The following BPTF variants were observed in gnomAD, a reference collection of about 807,000 sequenced individuals.
BPTF encodes the protein nucleosome-remodeling factor subunit BPTF.
Under a neutral mutation model 292.5 loss-of-function variants are expected in BPTF, and 18 were observed. The observed-to-expected ratio is 0.06, with a 90% CI of 0.04 to 0.09. The LOEUF (loss-of-function observed/expected upper bound fraction) is 0.09. Among genes scored for constraint, BPTF ranks in the 10% least tolerant of loss-of-function variants. The pLI is 1.00. For missense variants in BPTF, 2,726 were observed against 3,498.7 expected (o/e 0.78, Z 5.57); for synonymous variants, 1,225 against 1,251.9 (o/e 0.98, Z 0.45).
At chr17:67,933,950 A>C (rs1171428261) in intron 18 of BPTF, among the ~76,000 whole-genome samples, 1 of 152,038 alleles carries the variant, frequency 6.6e-6, no homozygotes, top group Non-Finnish European at 1.5e-5. Flanking sequence ...AGGCTGAGGC[A>C]AGAGAATTGC....
chr17:67,919,503 T>C (rs2063294918), intron 12 of BPTF, among the ~76,000 whole-genome samples: 1 of 152,140 alleles, frequency 6.6e-6, no homozygotes, highest in African/African-American at 2.4e-5. Flanking sequence ...TCCACTAATG[T>C]CTTCCAGTCT....
intron 18 of BPTF, among the ~76,000 whole-genome samples, 188 bp downstream of exon 18, chr17:67,932,207 G>A (rs1457731464): frequency 6.6e-6 from 1 of 152,180 alleles, no homozygotes; most frequent in Non-Finnish European, 1.5e-5. Context: ...CAGTAAAATA[G>A]GTTGAAGTAT....
At chr17:67,853,290 C>G (rs1416693805) in intron 1 of BPTF, among the ~76,000 whole-genome samples, 1 of 152,174 alleles carries the variant, frequency 6.6e-6, no homozygotes, top group African/African-American at 2.4e-5. Context: ...AGTCTGTTGT[C>G]TGTTTCCTAG....
intron 1 of BPTF, among the ~76,000 whole-genome samples, chr17:67,837,137 T>C (rs2057193290): frequency 6.6e-6 from 1 of 152,198 alleles, no homozygotes; most frequent in Admixed American, 6.5e-5. Context: ...TGCCCCCCTT[T>C]TTATTAATAC....
Position 67,945,977 on chromosome 17 carries a change from A to G in BPTF, c.7269A>G (p.Leu2423=), listed in dbSNP as rs1161998871. 1.2e-6 allele frequency: 2 copies of G among 1,614,090 alleles called. No individual in the cohort carries two copies. Among genetic ancestry groups the G allele is most frequent in the Non-Finnish European group, 1.7e-6 (2 of 1,180,044 alleles). ...TTTCATCCCCATCCCGTCCTCAGCTACAAATACAGCAGCCACAGCCCCAAG... is the reference window on the plus strand; with the variant it reads ...TTTCATCCCCATCCCGTCCTCAGCTGCAAATACAGCAGCCACAGCCCCAAG... ...VTVSSPSRPQ[L]QIQQPQPQVI... Residue 2423 remains leucine, a synonymous_variant, in exon 21 of 28, where the codon CTA becomes CTG. Transcript: ENST00000306378.
chr17:67,841,146 G>A (rs1404106180), intron 1 of BPTF, among the ~76,000 whole-genome samples: 2 of 152,064 alleles, frequency 1.3e-5, no homozygotes, highest in African/African-American at 4.8e-5. Flanking sequence ...GGTGGCTCAT[G>A]CCTGTAATCC....
chr17:67,883,888 C>T (rs967125881), intron 4 of BPTF, among the ~76,000 whole-genome samples: 7 of 152,140 alleles, frequency 4.6e-5, no homozygotes, highest in East Asian at 1.9e-4. Context: ...CGTGAACCAC[C>T]GCGCCCGGCT....
At chr17:67,953,838 C>G (rs1555679605) in intron 23 of BPTF, among the ~76,000 whole-genome samples, 1 of 152,080 alleles carries the variant, frequency 6.6e-6, no homozygotes, top group East Asian at 1.9e-4. Flanking sequence ...CCTCAGCCTC[C>G]CAAAGTGCTG....
chr17:67,933,172 C>A lies in BPTF; in HGVS notation c.6259+1153C>A, dbSNP rs148646895. 3.3e-5 allele frequency among the ~76,000 whole-genome samples: 5 copies of A among 151,524 alleles called. No homozygotes were observed. In the South Asian group the frequency reaches 8.3e-4, roughly 25 times the overall value. On this transcript the variant is annotated intron_variant, in intron 18 of 27. Coordinates refer to ENST00000306378, the MANE Select transcript of BPTF (RefSeq NM_182641.4). The stretch of plus-strand genomic sequence containing the variant: ...ACTCGGGAGGCTGAGGCAGGAGAGT[C>A]GCTTGAACCCAGGAGGCGGAGGTTG...
At chr17:67,942,625 T>C (rs940134625) in intron 19 of BPTF, among the ~76,000 whole-genome samples, 1 of 152,190 alleles carries the variant, frequency 6.6e-6, no homozygotes. Context: ...CTTCTAGGTA[T>C]ATCCCTAGAG....
chr17:67,947,821 C>G lies in BPTF; in HGVS notation c.7700+13C>G. On this transcript the variant is annotated intron_variant, in intron 22 of 27. Coordinates refer to ENST00000306378, the MANE Select transcript of BPTF (RefSeq NM_182641.4). ...AAGAGAATCAAAGGTAGGGGAGACGCAGGGTCTTGTTGTCTGTCCGTCTCT... is the reference window on the plus strand; with the variant it reads ...AAGAGAATCAAAGGTAGGGGAGACGGAGGGTCTTGTTGTCTGTCCGTCTCT... 2 of 1,550,796 alleles carry G rather than the reference C, an allele frequency of 1.3e-6. No individual in the cohort carries two copies. Among genetic ancestry groups the G allele is most frequent in the South Asian group, 1.2e-5 (1 of 83,984 alleles).
Position 67,922,861 on chromosome 17 carries a change from A to T in BPTF, c.5579A>T (p.Lys1860Ile), listed in dbSNP as rs1236113062. The change falls in exon 14 of 28, where the codon AAA becomes ATA. Residue 1860 changes from lysine to isoleucine, a missense_variant. Transcript: ENST00000306378. ...TPKETPTPQRKGLRSSALRPK... is the reference protein window; with the variant it reads ...TPKETPTPQRIGLRSSALRPK... The stretch of plus-strand genomic sequence containing the variant: ...AAAGAAACGCCTACACCTCAGAGGA[A>T]AGGCCTTCGATCAAGTGCACTGCGG... 1.7e-5 allele frequency: 28 copies of T among 1,611,790 alleles called. No homozygotes were observed. Among genetic ancestry groups the T allele is most frequent in the Non-Finnish European group, 2.4e-5 (28 of 1,179,444 alleles).
chr17:67,959,472 A>G (rs2067260211), intron 23 of BPTF, 69 bp from the exon 24 acceptor site: 6 of 1,282,730 alleles, frequency 4.7e-6, no homozygotes. Flanking sequence ...GTAGTGTACC[A>G]TCTTCTGGCC....
intron 4 of BPTF, among the ~76,000 whole-genome samples, chr17:67,888,539 G>A (rs550910143): frequency 2.9e-5 from 4 of 139,912 alleles, no homozygotes; most frequent in African/African-American, 8.0e-5. Flanking sequence ...GCAGTGAGCC[G>A]AGATCGTGCC....
At chr17:67,956,363 G>A (rs1177304302) in intron 23 of BPTF, 1 of 148,432 alleles carries the variant, frequency 6.7e-6, no homozygotes, top group African/African-American at 2.5e-5. Flanking sequence ...TGTCACCTAT[G>A]TTGGAGCACA....
At position 67,982,387 on chromosome 17, in the gene BPTF, C is replaced by G. The variant is rs186801810; in HGVS notation, c.*99C>G. 1.1e-5 allele frequency: 13 copies of G among 1,155,470 alleles called. No individual in the cohort carries two copies. The Admixed American group carries it at 2.7e-4, about 24-fold the overall frequency. The allele number at this position is 1,155,470 out of a possible 1,614,324, so 71.6% of individuals were successfully genotyped here. On this transcript the variant is annotated 3_prime_UTR_variant, in exon 28 of 28. Coordinates refer to ENST00000306378, the MANE Select transcript of BPTF (RefSeq NM_182641.4). Reference sequence around the variant, plus strand: ...GATGTTTTTAGTCAGGCTATCCTGACAAGACTTGACCTAAACTTCGTTTTT... The same window carrying G: ...GATGTTTTTAGTCAGGCTATCCTGAGAAGACTTGACCTAAACTTCGTTTTT...
In BPTF at chr17:67,875,785, A is replaced by G. The variant is rs562633435; in HGVS notation, c.1864+765A>G. ...TATCAATGCCTCTGTAATGGGGGGAATCCTTCCCTTTTGTAGTAAAAGCCG... is the reference window on the plus strand; with the variant it reads ...TATCAATGCCTCTGTAATGGGGGGAGTCCTTCCCTTTTGTAGTAAAAGCCG... On this transcript the variant is annotated intron_variant, in intron 4 of 27. Transcript: ENST00000306378. 83 of 1,401,940 alleles carry G rather than the reference A, an allele frequency of 5.9e-5. No homozygotes were observed. The Middle Eastern group carries it at 1.3e-3, about 22-fold the overall frequency. 86.8% of individuals were successfully genotyped at this position (1,401,940 alleles called of 1,614,324 possible). A position where few individuals can be genotyped will look rare whatever the true frequency, so the allele number is the denominator to read the frequency against.
intron 1 of BPTF, among the ~76,000 whole-genome samples, chr17:67,831,700 T>G (rs1240588643): frequency 6.6e-6 from 1 of 152,090 alleles, no homozygotes; most frequent in African/African-American, 2.4e-5. Flanking sequence ...GCAAGTAGTA[T>G]TCTGGGTGAC....
intron 7 of BPTF, among the ~76,000 whole-genome samples, chr17:67,897,234 G>A (rs188735324): frequency 4.1e-4 from 62 of 150,370 alleles, no homozygotes; most frequent in Admixed American, 2.3e-3. Flanking sequence ...CCAGCTACTC[G>A]GGAGGCTGAG....
Sources: gnomAD v4.1 joint callset for allele counts (sites outside exome capture counted in the v4.1 genomes callset) on GRCh38, gnomAD v4.1.1 for gene constraint, MANE v1.5 for transcripts, NCBI Gene and HGNC (gene_info 2026-07-23, HGNC 2026-07-21) for gene names.